Variants in ABL2 observed in about 807,000 individuals in gnomAD.
ABL2 encodes tyrosine-protein kinase ABL2.
A neutral mutation model predicts 107.7 loss-of-function variants in ABL2; 49 were observed. That is an observed-to-expected ratio of 0.45 (90% CI 0.36 to 0.58). The LOEUF is 0.58. Ranked by LOEUF, ABL2 falls within the 20% of genes least tolerant of loss-of-function variation. The probability of loss-of-function intolerance (pLI) is 0.00; values close to 1 mark genes in which losing one functional copy is unlikely to be tolerated. For synonymous variants in ABL2, 549 were observed against 548.6 expected (o/e 1.00, Z -0.01); for missense variants, 1,245 against 1,457.0 (o/e 0.85, Z 2.37).
intron 1 of ABL2, among the ~76,000 whole-genome samples, chr1:179,160,768 A>G (rs1659013288): frequency 6.6e-6 from 1 of 152,214 alleles, no homozygotes; most frequent in Non-Finnish European, 1.5e-5. Context: ...CCATGACACT[A>G]TTGACATTTG....
intron 1 of ABL2, among the ~76,000 whole-genome samples, chr1:179,224,632 G>T (rs774154311): frequency 3.0e-4 from 46 of 152,076 alleles, no homozygotes; most frequent in South Asian, 4.1e-4. Flanking sequence ...AAATCATTCA[G>T]CTGTTAAAAG....
intron 1 of ABL2, among the ~76,000 whole-genome samples, chr1:179,135,391 C>T (rs868849096): frequency 4.0e-5 from 6 of 150,648 alleles, no homozygotes; most frequent in African/African-American, 9.8e-5. Flanking sequence ...CCACCCCGTC[C>T]GGGATGTGAG....
chr1:179,164,122 T>A (rs1659245024), intron 1 of ABL2, among the ~76,000 whole-genome samples: 1 of 151,968 alleles, frequency 6.6e-6, no homozygotes, highest in South Asian at 2.1e-4. Flanking sequence ...GTTTGTGGGG[T>A]TATGCGAATT....
chr1:179,198,081 G>C (rs955420232), intron 1 of ABL2, among the ~76,000 whole-genome samples: 8 of 150,044 alleles, frequency 5.3e-5, no homozygotes, highest in Admixed American at 2.7e-4. Context: ...GCTGAAGTGC[G>C]ACGGTCCCCT....
At chr1:179,111,342 G>A (rs1266406082) in intron 10 of ABL2, among the ~76,000 whole-genome samples, 1 of 136,172 alleles carries the variant, frequency 7.3e-6, no homozygotes. Flanking sequence ...CTAAAGTGCA[G>A]AGGTGCGATC....
intron 1 of ABL2, among the ~76,000 whole-genome samples, chr1:179,200,408 A>G (rs891682488): frequency 6.6e-6 from 1 of 152,182 alleles, no homozygotes; most frequent in Non-Finnish European, 1.5e-5. Flanking sequence ...CCTGAATAAT[A>G]TATTTCTATA....
intron 8 of ABL2, among the ~76,000 whole-genome samples, chr1:179,115,425 C>T (rs1291867494): frequency 6.6e-6 from 1 of 152,114 alleles, no homozygotes; most frequent in Non-Finnish European, 1.5e-5. Flanking sequence ...CAACCAAGGT[C>T]CAAAAATATT....
chr1:179,198,228 A>G (rs938404040), intron 1 of ABL2, among the ~76,000 whole-genome samples: 50 of 151,920 alleles, frequency 3.3e-4, no homozygotes, highest in African/African-American at 1.1e-3. Context: ...CCTAGTTTAA[A>G]AGAGAAGGAA....
chr1:179,126,757 C>T lies in ABL2; in HGVS notation c.392-85G>A. On this transcript the variant is annotated intron_variant, in intron 3 of 11. Coordinates refer to ENST00000502732, the MANE Select transcript of ABL2 (RefSeq NM_007314.4). This position sits in a 1 kb window ranked among gnomAD's most constrained non-coding sequence, Gnocchi z 4.4. ...GCAGTGTACTGTCAAACTTTAAACTCATTAAAAAAAAAAAAGAATCTAGAA... is the reference window on the plus strand; with the variant it reads ...GCAGTGTACTGTCAAACTTTAAACTTATTAAAAAAAAAAAAGAATCTAGAA... The T allele has an allele frequency of 1.7e-6, 2 of 1,165,472 alleles. No homozygotes were observed. Among genetic ancestry groups the T allele is most frequent in the Non-Finnish European group, 2.3e-6 (2 of 866,368 alleles). The allele number at this position is 1,165,472 out of a possible 1,614,324, so 72.2% of individuals were successfully genotyped here. A position where few individuals can be genotyped will look rare whatever the true frequency, so the allele number is the denominator to read the frequency against.
chr1:179,109,269 G>C lies in ABL2; in HGVS notation c.1998C>G (p.Pro666=). 1 of 1,614,058 alleles carries C rather than the reference G, an allele frequency of 6.2e-7. No homozygotes were observed. The highest frequency in any genetic ancestry group is 2.2e-5 in the East Asian group (1 of 44,882). The change falls in exon 12 of 12, where the codon CCC becomes CCG. Residue 666 remains proline (P), a synonymous_variant. Transcript: ENST00000502732. The part of the protein sequence containing the change: ...FMKKRNAPTP[P]KRSSSFREME... ...TTTCTCGGAAGGAGCTGCTGCGTTT[G>C]GGGGGTGTAGGAGCATTTCTCTTCT... is the stretch of plus-strand genomic sequence containing the variant.
At chr1:179,201,370 T>C (rs1661657955) in intron 1 of ABL2, 1 of 152,672 alleles carries the variant, frequency 6.5e-6, no homozygotes, top group Admixed American at 6.5e-5. Context: ...TATGCCCAAC[T>C]TTTAAAACTT....
At position 179,108,505 on chromosome 1, in the gene ABL2, G is replaced by GGGGCAGCCTTGGCTGGAGAA; in HGVS notation, c.2742_2761dup (p.Pro921LeufsTer26). On this transcript the variant is annotated frameshift_variant, in exon 12 of 12. Coordinates refer to ENST00000502732, the MANE Select transcript of ABL2 (RefSeq NM_007314.4). LOFTEE classifies it high-confidence loss of function. Reference sequence around the variant, plus strand: ...GTGGTTGTGAGTGGTTGGGAGGACGGGGGCAGCCTTGGCTGGAGAAGGCCA... The same window carrying GGGGCAGCCTTGGCTGGAGAA: ...GTGGTTGTGAGTGGTTGGGAGGACGGGGGCAGCCTTGGCTGGAGAAGGGCAGCCTTGGCTGGAGAAGGCCA... 2 of 1,614,172 alleles carry GGGGCAGCCTTGGCTGGAGAA rather than the reference G, an allele frequency of 1.2e-6. No individual in the cohort carries two copies. Among genetic ancestry groups the GGGGCAGCCTTGGCTGGAGAA allele is most frequent in the Non-Finnish European group, 1.7e-6 (2 of 1,180,026 alleles).
At chr1:179,217,561 G>A (rs1373769847) in intron 1 of ABL2, among the ~76,000 whole-genome samples, 1 of 151,824 alleles carries the variant, frequency 6.6e-6, no homozygotes, top group Non-Finnish European at 1.5e-5. Context: ...AGTGGGTGGA[G>A]GTTGCAGTGA....
intron 1 of ABL2, among the ~76,000 whole-genome samples, chr1:179,149,426 A>G (rs187369383): frequency 9.2e-5 from 14 of 152,358 alleles, no homozygotes; most frequent in African/African-American, 3.4e-4. Flanking sequence ...TGCAGCAAGT[A>G]AGAAAATCTA....
At position 179,101,289 on chromosome 1, in the gene ABL2, G is replaced by A; in HGVS notation, c.*6429C>T. The A allele has an allele frequency of 4.6e-6, 1 of 215,848 alleles. No homozygotes were observed. Among genetic ancestry groups the A allele is most frequent in the South Asian group, 1.9e-4 (1 of 5,364 alleles). 13.4% of individuals were successfully genotyped at this position (215,848 alleles called of 1,614,324 possible). On this transcript the variant is annotated 3_prime_UTR_variant, in exon 12 of 12. Transcript: ENST00000502732. ...CCTCCTTACCTGGGAAGAAGTATGG[G>A]ATCTTCTTATCTTGATCCCACAGGG...
At chr1:179,212,513 A>G (rs916563010) in intron 1 of ABL2, among the ~76,000 whole-genome samples, 1 of 152,120 alleles carries the variant, frequency 6.6e-6, no homozygotes, top group Admixed American at 6.5e-5. Context: ...CAGGTGGATC[A>G]CCTGAGGTCG....
chr1:179,189,704 T>C (rs1660889177), intron 1 of ABL2, among the ~76,000 whole-genome samples: 1 of 152,170 alleles, frequency 6.6e-6, no homozygotes, highest in African/African-American at 2.4e-5. Context: ...TAACACCAGA[T>C]GTGTGGGGTT....
At chr1:179,174,850 G>A (rs1044103701) in intron 1 of ABL2, among the ~76,000 whole-genome samples, 19 of 143,968 alleles carry the variant, frequency 1.3e-4, no homozygotes, top group Admixed American at 2.9e-4. Flanking sequence ...AGGCCAGATC[G>A]TGCCACTGCA....
At chr1:179,135,493 G>A (rs1313142267) in intron 1 of ABL2, among the ~76,000 whole-genome samples, 9 of 149,232 alleles carry the variant, frequency 6.0e-5, no homozygotes, top group South Asian at 2.1e-4. Context: ...CCCTCCGCCC[G>A]GCAGCCGCCC....
Sources: allele counts gnomAD v4.1 joint callset (sites outside exome capture counted in the v4.1 genomes callset), GRCh38; gene constraint gnomAD v4.1.1; non-coding constraint Gnocchi (gnomAD v3.1); transcripts MANE v1.5; gene names NCBI Gene and HGNC (gene_info 2026-07-23, HGNC 2026-07-21).